The following SULT2B1 variants were observed in gnomAD, a reference collection of about 807,000 sequenced individuals.
SULT2B1 encodes the protein sulfotransferase family 2B member 1.
Under a neutral mutation model 33.2 loss-of-function variants are expected in SULT2B1, and 16 were observed. The ratio of observed to expected loss-of-function variants is 0.48; its 90% CI spans 0.33 to 0.73. The LOEUF is 0.73. Among genes scored for constraint, SULT2B1 ranks in the 30% least tolerant of loss-of-function variants. SULT2B1 has a pLI of 0.02. For missense variants in SULT2B1, 500 were observed against 506.0 expected, an observed-to-expected ratio of 0.99 and a Z score of 0.11; for synonymous variants, 186 against 200.5, an observed-to-expected ratio of 0.93 and a Z score of 0.61.
At chr19:48,562,730 A>G (rs1973197899) in intron 1 of SULT2B1, among the ~76,000 whole-genome samples, 1 of 152,044 alleles carries the variant, frequency 6.6e-6, no homozygotes, top group Non-Finnish European at 1.5e-5. Context: ...CCCAATCCAG[A>G]GTGCAGTGGC....
intron 1 of SULT2B1, among the ~76,000 whole-genome samples, chr19:48,569,873 C>T (rs1347899699): frequency 4.6e-5 from 7 of 152,098 alleles, no homozygotes; most frequent in Admixed American, 6.6e-5. Flanking sequence ...GCCATGTTGC[C>T]GAGGCTGGTC....
At chr19:48,575,777 G>A in intron 1 of SULT2B1, 164 bp from the exon 2 acceptor site, 1 of 1,309,516 alleles carries the variant, frequency 7.6e-7, no homozygotes, top group Non-Finnish European at 1.0e-6. Context: ...CACTGCGCCT[G>A]ACCAGCTTTA....
chr19:48,560,374 G>C (rs917225187), intron 1 of SULT2B1, among the ~76,000 whole-genome samples: 3 of 152,006 alleles, frequency 2.0e-5, no homozygotes, highest in African/African-American at 7.2e-5. Context: ...CCATTTTACA[G>C]ATGGGAAAAC....
At chr19:48,573,289 C>G (rs1481916456) in intron 1 of SULT2B1, among the ~76,000 whole-genome samples, 1 of 152,084 alleles carries the variant, frequency 6.6e-6, no homozygotes, top group Non-Finnish European at 1.5e-5. Context: ...TGTCTGCTGT[C>G]CCTGTCCCTG....
In SULT2B1 at chr19:48,560,192, C is replaced by T. The variant is rs954438772; in HGVS notation, c.71+7869C>T. 5.3e-5 allele frequency among the ~76,000 whole-genome samples: 8 copies of T among 152,014 alleles called. No individual in the cohort carries two copies. The East Asian group carries it at 1.2e-3, about 22-fold the overall frequency. On this transcript the variant is annotated intron_variant, in intron 1 of 6. Transcript: ENST00000201586. ...TTTCCTCCTTCCCCAGTTCTGAGAC[C>T]GCTGCTGAGCCAGAAACTCGAATGC...
At chr19:48,573,306 C>T (rs1973356509) in intron 1 of SULT2B1, among the ~76,000 whole-genome samples, 1 of 152,076 alleles carries the variant, frequency 6.6e-6, no homozygotes, top group African/African-American at 2.4e-5. Context: ...CCTGGCCTCT[C>T]GCTGGCTTAA....
At chr19:48,569,355 A>AT (rs1973286783) in intron 1 of SULT2B1, among the ~76,000 whole-genome samples, 1 of 16,738 alleles carries the variant, frequency 6.0e-5, no homozygotes, top group African/African-American at 4.3e-4. Flanking sequence ...AAAAAAAAAA[A>AT]AAAAAAACAT....
Position 48,578,254 on chromosome 19 carries a change from C to T in SULT2B1, c.214+2171C>T, listed in dbSNP as rs537439845. Among the ~76,000 whole-genome samples, 6 of 152,104 alleles carry T rather than the reference C, an allele frequency of 3.9e-5. No individual in the cohort carries two copies. The South Asian group carries it at 8.3e-4, about 21-fold the overall frequency. The stretch of plus-strand genomic sequence containing the variant: ...TACAATTCAATGACTTTGCCATGTG[C>T]GTGGAGCTGGTCATCCATCACCACA... On this transcript the variant is annotated intron_variant, in intron 2 of 6. Coordinates refer to ENST00000201586, the MANE Select transcript of SULT2B1 (RefSeq NM_177973.2).
At chr19:48,594,854 A>G (rs532401802) in intron 5 of SULT2B1, among the ~76,000 whole-genome samples, 3 of 152,212 alleles carry the variant, frequency 2.0e-5, no homozygotes, top group Middle Eastern at 3.4e-3. Flanking sequence ...TCCTGTCTCT[A>G]TTAAAAATAC....
At chr19:48,565,320 A>G (rs1382108403) in intron 1 of SULT2B1, among the ~76,000 whole-genome samples, 2 of 151,698 alleles carry the variant, frequency 1.3e-5, no homozygotes, top group Non-Finnish European at 2.9e-5. Context: ...CTACTTCAGT[A>G]TTTGTTTATG....
At position 48,552,466 on chromosome 19, in the gene SULT2B1, G is replaced by T. The variant is rs923562800; in HGVS notation, c.71+143G>T. The T allele has an allele frequency of 1.1e-5, 9 of 838,534 alleles. No homozygotes were observed. The highest frequency in any genetic ancestry group is 1.7e-5 in the South Asian group (1 of 58,374). The allele number at this position is 838,534 out of a possible 1,614,324, so 51.9% of individuals were successfully genotyped here. ...GACTTAGCTGGAGGGGCTGGGCTGG[G>T]CTGGGGCATCCAGTGTGGTGTATAG... is the stretch of plus-strand genomic sequence containing the variant. On this transcript the variant is annotated intron_variant, in intron 1 of 6. Transcript: ENST00000201586. This position sits in a 1 kb window ranked among gnomAD's most constrained non-coding sequence, Gnocchi z 4.8.
chr19:48,588,278 C>T (rs1464823014), intron 3 of SULT2B1, among the ~76,000 whole-genome samples: 1 of 151,014 alleles, frequency 6.6e-6, no homozygotes, highest in African/African-American at 2.4e-5. Flanking sequence ...TTTGGGAAGC[C>T]AAGGTGGGCA....
rs186030220 is a variant in SULT2B1, at chr19:48,553,910, G to T, written c.71+1587G>T. Reference sequence around the variant, plus strand: ...CAGAGATAAACAGATAAGCCAGCTCGCCTCCAGGGTTCCCGCCTCTGGGAA... The same window carrying T: ...CAGAGATAAACAGATAAGCCAGCTCTCCTCCAGGGTTCCCGCCTCTGGGAA... On this transcript the variant is annotated intron_variant, in intron 1 of 6. Transcript: ENST00000201586. 5.0e-3 allele frequency among the ~76,000 whole-genome samples: 765 copies of T among 152,236 alleles called. 4 individuals are homozygous for T. Among genetic ancestry groups the T allele is most frequent in the Admixed American group, 9.0e-3 (138 of 15,288 alleles).
intron 1 of SULT2B1, among the ~76,000 whole-genome samples, chr19:48,569,203 G>A (rs12608918): frequency 0.42 from 63,376 of 150,580 alleles, 14,255 homozygotes; most frequent in South Asian, 0.58. Context: ...TTAGCAGGGC[G>A]TGGTGGCGGG....
intron 2 of SULT2B1, among the ~76,000 whole-genome samples, chr19:48,585,168 C>T (rs1601106035): frequency 6.6e-6 from 1 of 151,564 alleles, no homozygotes; most frequent in Admixed American, 6.6e-5. Flanking sequence ...GCTGTGACTG[C>T]AACAGTGCAC....
At chr19:48,564,156 G>A (rs1488358783) in intron 1 of SULT2B1, among the ~76,000 whole-genome samples, 3 of 151,782 alleles carry the variant, frequency 2.0e-5, no homozygotes, top group Non-Finnish European at 4.4e-5. Flanking sequence ...TGAGGCAGGG[G>A]AATCGCTTGA....
chr19:48,583,616 A>C (rs1185966687), intron 2 of SULT2B1, among the ~76,000 whole-genome samples: 1 of 151,816 alleles, frequency 6.6e-6, no homozygotes, highest in Non-Finnish European at 1.5e-5. Flanking sequence ...TCAGGAGTTC[A>C]AGACCAGCCT....
Position 48,599,280 on chromosome 19 carries a change from C to CCCTGAG in SULT2B1, c.981_986dup (p.Glu328_Pro329dup). On this transcript the variant is annotated inframe_insertion, in exon 7 of 7. Transcript: ENST00000201586. The surrounding 1 kb of genome is among the most constrained non-coding windows in gnomAD (Gnocchi z 4.1). ...ACGGCAGCCCAGATCCTGAGCCCAG[C>CCCTGAG]CCTGAGCCTGAGCCCAAGCCCAGCC... is the stretch of plus-strand genomic sequence containing the variant. 6.2e-7 allele frequency: 1 copy of CCCTGAG among 1,610,818 alleles called. No individual in the cohort carries two copies. The highest frequency in any genetic ancestry group is 2.2e-5 in the East Asian group (1 of 44,796).
At chr19:48,566,631 C>T (rs12104307) in intron 1 of SULT2B1, among the ~76,000 whole-genome samples, 4,980 of 151,978 alleles carry the variant, frequency 0.033, 266 homozygotes, top group African/African-American at 0.11. Context: ...TGCTTGAGCT[C>T]GGGAGTTCCA....
Sources: gnomAD v4.1 joint callset for allele counts (sites outside exome capture counted in the v4.1 genomes callset) on GRCh38, gnomAD v4.1.1 for gene constraint, Gnocchi (gnomAD v3.1) non-coding constraint, MANE v1.5 for transcripts, NCBI Gene and HGNC (gene_info 2026-07-23, HGNC 2026-07-21) for gene names.